The following ADGRV1 variants were observed in gnomAD, a reference collection of about 807,000 sequenced individuals.
ADGRV1 encodes adhesion G protein-coupled receptor V1.
Under a neutral mutation model 596.2 loss-of-function variants are expected in ADGRV1, and 359 were observed. The observed-to-expected ratio is 0.60, with a 90% CI of 0.55 to 0.66. The LOEUF is 0.66. Ranked by LOEUF, ADGRV1 falls within the 30% of genes least tolerant of loss-of-function variation. The pLI is 0.00. For missense variants in ADGRV1, 7,274 were observed against 7,575.6 expected (o/e 0.96, Z 1.48); for synonymous variants, 2,681 against 2,679.2 (o/e 1.00, Z -0.02).
In ADGRV1 at chr5:90,778,594, G is replaced by A. The variant is rs1157136087; in HGVS notation, c.12834G>A (p.Val4278=). Reference sequence around the variant, plus strand: ...CCTTTTCACATGAGCAACTTCGAGTGTCAGAAGCACAGAGGGTATAGTATG... The same window carrying A: ...CCTTTTCACATGAGCAACTTCGAGTATCAGAAGCACAGAGGGTATAGTATG... The part of the protein sequence containing the change: ...RFAFSHEQLR[V]SEAQRVNITI... The change falls in exon 63 of 90, where the codon GTG becomes GTA. Residue 4278 remains valine, a synonymous_variant. Coordinates refer to ENST00000405460, the MANE Select transcript of ADGRV1 (RefSeq NM_032119.4). The A allele has an allele frequency of 1.9e-6, 3 of 1,600,162 alleles. No individual in the cohort carries two copies. The highest frequency in any genetic ancestry group is 1.3e-5 in the African/African-American group (1 of 74,324).
At chr5:90,713,267 T>A (rs935183053) in intron 42 of ADGRV1, among the ~76,000 whole-genome samples, 3 of 152,012 alleles carry the variant, frequency 2.0e-5, no homozygotes, top group African/African-American at 7.2e-5. Context: ...GAATTCTGAG[T>A]AACCCAAGGA....
At chr5:90,986,948 C>T (rs1192994513) in intron 85 of ADGRV1, among the ~76,000 whole-genome samples, 2 of 152,082 alleles carry the variant, frequency 1.3e-5, no homozygotes, top group Non-Finnish European at 2.9e-5. Context: ...TACATGTATA[C>T]CCATCCAGCC....
intron 1 of ADGRV1, among the ~76,000 whole-genome samples, chr5:90,605,338 C>A (rs965626129): frequency 1.3e-5 from 2 of 151,522 alleles, no homozygotes; most frequent in Admixed American, 1.3e-4. Context: ...TCGCTTGAAC[C>A]CGGGAGGTGG....
intron 89 of ADGRV1, among the ~76,000 whole-genome samples, chr5:91,160,104 C>A (rs777736699): frequency 6.6e-6 from 1 of 152,180 alleles, no homozygotes; most frequent in Non-Finnish European, 1.5e-5. Context: ...GTAAACATTT[C>A]CATATGGGAA....
chr5:90,930,257 A>G (rs1775105126), intron 83 of ADGRV1, among the ~76,000 whole-genome samples: 4 of 152,176 alleles, frequency 2.6e-5, no homozygotes, highest in Admixed American at 2.6e-4. Context: ...GCCAATATTT[A>G]CTTTCAGTCC....
intron 85 of ADGRV1, among the ~76,000 whole-genome samples, chr5:91,008,152 G>A (rs933972978): frequency 2.0e-5 from 3 of 151,972 alleles, no homozygotes; most frequent in African/African-American, 4.8e-5. Flanking sequence ...ATTTATAAAG[G>A]CGATGTCTCA....
intron 85 of ADGRV1, among the ~76,000 whole-genome samples, chr5:91,068,332 G>C (rs1413285323): frequency 6.6e-6 from 1 of 151,864 alleles, no homozygotes; most frequent in Non-Finnish European, 1.5e-5. Context: ...AGCTGGGCAT[G>C]GTGGTGGGCA....
At chr5:90,628,520 G>A (rs1267317106) in intron 7 of ADGRV1, 42 bp from the exon 8 acceptor site, 5 of 1,545,906 alleles carry the variant, frequency 3.2e-6, no homozygotes, top group Non-Finnish European at 4.5e-6. Flanking sequence ...GGGAAATAAA[G>A]TGTACTATGT....
chr5:90,745,132 C>G lies in ADGRV1; in HGVS notation c.10636C>G (p.Pro3546Ala). The G allele has an allele frequency of 1.9e-6, 3 of 1,613,622 alleles. No individual in the cohort carries two copies. The highest frequency in any genetic ancestry group is 2.5e-6 in the Non-Finnish European group (3 of 1,179,702). Residue 3546 changes from proline to alanine, a missense_variant, in exon 51 of 90, where the codon CCT becomes GCT. By Grantham distance (27) the Pro-to-Ala change is conservative. This residue lies in a region of ADGRV1 where 3,643 missense variants were observed against 3,809.2 expected (regional missense o/e 0.96). Transcript: ENST00000405460. ...TCAATTCTCTTTTGTTCTGGAAGTA[C>G]CTTCTGCTTATGATGTGGCTTCTGT... The part of the protein sequence containing the change: ...RNQFSFVLEV[P>A]SAYDVASVTV...
chr5:90,696,828 C>A lies in ADGRV1; in HGVS notation c.7946-109C>A, dbSNP rs548656376. ...CATGATATGGAACTGTTATAATTCACTCATATTTTTATTTAACTTTTAAAC... is the reference window on the plus strand; with the variant it reads ...CATGATATGGAACTGTTATAATTCAATCATATTTTTATTTAACTTTTAAAC... On this transcript the variant is annotated intron_variant, in intron 33 of 89. Coordinates refer to ENST00000405460, the MANE Select transcript of ADGRV1 (RefSeq NM_032119.4). 1.7e-5 allele frequency: 12 copies of A among 691,928 alleles called. No individual in the cohort carries two copies. The African/African-American group carries it at 2.0e-4, about 11-fold the overall frequency. 42.9% of individuals were successfully genotyped at this position (691,928 alleles called of 1,614,324 possible).
At chr5:91,163,391 G>A (rs1797113590) in intron 89 of ADGRV1, among the ~76,000 whole-genome samples, 2 of 152,062 alleles carry the variant, frequency 1.3e-5, no homozygotes, top group South Asian at 4.1e-4. Flanking sequence ...ATATGAATTC[G>A]GGGCCTATAT....
intron 84 of ADGRV1, among the ~76,000 whole-genome samples, chr5:90,966,937 C>T (rs1215298891): frequency 6.6e-6 from 1 of 152,144 alleles, no homozygotes; most frequent in Admixed American, 6.6e-5. Context: ...GAAACAGATG[C>T]ATTCAGGCCC....
chr5:91,112,968 G>GAT (rs1358595840), intron 87 of ADGRV1, among the ~76,000 whole-genome samples: 3 of 152,030 alleles, frequency 2.0e-5, no homozygotes, highest in East Asian at 3.9e-4. Context: ...TTTATCTCAG[G>GAT]ATATATATAA....
chr5:90,760,516 C>G (rs541816933), intron 58 of ADGRV1, among the ~76,000 whole-genome samples: 1 of 152,328 alleles, frequency 6.6e-6, no homozygotes, highest in African/African-American at 2.4e-5. Flanking sequence ...GCCTGCTTTA[C>G]TGCCAGACCA....
chr5:90,605,140 A>C (rs1246898717), intron 1 of ADGRV1, among the ~76,000 whole-genome samples: 3 of 152,198 alleles, frequency 2.0e-5, no homozygotes, highest in Non-Finnish European at 4.4e-5. Context: ...GTTCAGTTAC[A>C]TGAGTTAAAA....
chr5:90,782,545 C>T (rs1312871954), intron 65 of ADGRV1, among the ~76,000 whole-genome samples: 1 of 151,944 alleles, frequency 6.6e-6, no homozygotes, highest in Non-Finnish European at 1.5e-5. Context: ...TTTAGCATAG[C>T]TTAAGAAATA....
At chr5:90,933,427 A>G (rs1775423879) in intron 83 of ADGRV1, among the ~76,000 whole-genome samples, 1 of 152,214 alleles carries the variant, frequency 6.6e-6, no homozygotes, top group African/African-American at 2.4e-5. Context: ...TGGGGGATAC[A>G]TTCCAGATAA....
At chr5:90,782,986 TAA>T (rs900309094) in intron 65 of ADGRV1, 136 bp from the exon 66 acceptor site, 1 of 686,456 alleles carries the variant, frequency 1.5e-6, no homozygotes, top group African/African-American at 1.8e-5. Flanking sequence ...AATCCCCCTT[TAA>T]AATGATAAAA....
intron 69 of ADGRV1, among the ~76,000 whole-genome samples, chr5:90,790,578 T>C (rs917754341): frequency 1.3e-5 from 2 of 152,220 alleles, no homozygotes; most frequent in South Asian, 4.1e-4. Context: ...CTAAAGTTAT[T>C]TGTGGAACTG....
Sources: gnomAD v4.1 joint callset for allele counts (sites outside exome capture counted in the v4.1 genomes callset) on GRCh38, gnomAD v4.1.1 for gene constraint, gnomAD v4.1.1 regional missense constraint, MANE v1.5 for transcripts, NCBI Gene and HGNC (gene_info 2026-07-23, HGNC 2026-07-21) for gene names.